Variants in IL1RAPL2 observed in about 807,000 individuals in gnomAD.
IL1RAPL2 encodes X-linked interleukin-1 receptor accessory protein-like 2.
IL1RAPL2 carries 3 observed loss-of-function variants against 44.1 expected under a neutral mutation model. That is an observed-to-expected ratio of 0.07 (90% confidence interval 0.03 to 0.18). The LOEUF (loss-of-function observed/expected upper bound fraction) is 0.18, where lower values mean the gene tolerates loss of function less well. IL1RAPL2 is among the 10% of genes least tolerant of loss of function. IL1RAPL2 has a pLI of 1.00. For synonymous variants in IL1RAPL2, 181 were observed against 178.8 expected, an observed-to-expected ratio of 1.01 and a Z score of -0.10; for missense variants, 391 against 496.4, an observed-to-expected ratio of 0.79 and a Z score of 2.02.
intron 5 of IL1RAPL2, among the ~76,000 whole-genome samples, chrX:105,327,591 A>T (rs746180763): frequency 9.0e-6 from 1 of 111,638 alleles, no homozygotes; most frequent in East Asian, 2.8e-4. Context: ...GGAACTATCC[A>T]TGTATATTTT....
At chrX:105,548,414 C>T (rs2036823849) in intron 6 of IL1RAPL2, among the ~76,000 whole-genome samples, 1 of 111,162 alleles carries the variant, frequency 9.0e-6, no homozygotes, top group Non-Finnish European at 1.9e-5. Flanking sequence ...AGGAAAAGAA[C>T]ATTTCAGGCA....
rs944035858 is a variant in IL1RAPL2, at chrX:105,364,493, A to C, written c.697+96952A>C. Among the ~76,000 whole-genome samples the C allele has an allele frequency of 2.4e-4, 27 of 110,860 alleles. 1 individual carries two copies. Among genetic ancestry groups the C allele is most frequent in the African/African-American group, 8.2e-4 (25 of 30,548 alleles). ...AGAAATTTGATAGGGATTACACTGA[A>C]TCTTTAGATCACTTTGGGTATTACA... On this transcript the variant is annotated intron_variant, in intron 5 of 10. Coordinates refer to ENST00000372582, the MANE Select transcript of IL1RAPL2 (RefSeq NM_017416.2).
At position 104,634,743 on chromosome X, in the gene IL1RAPL2, C is replaced by A. The variant is rs186210379; in HGVS notation, c.-19-24152C>A. Among the ~76,000 whole-genome samples, 57 of 111,759 alleles carry A rather than the reference C, an allele frequency of 5.1e-4. 1 individual carries two copies. Among genetic ancestry groups the A allele is most frequent in the South Asian group, 3.0e-3 (8 of 2,649 alleles). ...TATTTTGAGCCTATGTGTGTCTCTG[C>A]ACATGAGATGGATTTCCTAAATACA... On this transcript the variant is annotated intron_variant, in intron 1 of 10. Coordinates refer to ENST00000372582, the MANE Select transcript of IL1RAPL2 (RefSeq NM_017416.2).
At chrX:104,800,913 G>A (rs916930703) in intron 2 of IL1RAPL2, among the ~76,000 whole-genome samples, 10 of 112,497 alleles carry the variant, frequency 8.9e-5, no homozygotes, top group African/African-American at 3.2e-4. Context: ...AGGGCCAGTG[G>A]GAGGATATTA....
intron 2 of IL1RAPL2, among the ~76,000 whole-genome samples, chrX:104,989,719 T>C (rs976660053): frequency 9.0e-6 from 1 of 111,049 alleles, no homozygotes; most frequent in Admixed American, 9.6e-5. Context: ...GTTTTAACCA[T>C]GTCTGTAACT....
At chrX:105,192,682 C>A (rs1369795500) in intron 2 of IL1RAPL2, among the ~76,000 whole-genome samples, 1 of 111,253 alleles carries the variant, frequency 9.0e-6, no homozygotes, top group African/African-American at 3.3e-5. Flanking sequence ...ATTCATAGAT[C>A]CGTGTTATCA....
intron 3 of IL1RAPL2, chrX:105,218,993 T>C: frequency 8.3e-7 from 1 of 1,210,142 alleles, no homozygotes; most frequent in Non-Finnish European, 1.1e-6. Context: ...CAGATTCCCT[T>C]CCCACAGTCG....
At chrX:105,075,510 A>G (rs1483676476) in intron 2 of IL1RAPL2, among the ~76,000 whole-genome samples, 3 of 110,642 alleles carry the variant, frequency 2.7e-5, no homozygotes, top group East Asian at 2.9e-4. Context: ...TCTCTTTTTT[A>G]GTTGTGTCTC....
intron 2 of IL1RAPL2, among the ~76,000 whole-genome samples, chrX:104,903,784 G>A (rs935537253): frequency 1.8e-5 from 2 of 110,376 alleles, no homozygotes; most frequent in Non-Finnish European, 3.8e-5. Flanking sequence ...TTGCCGTGTT[G>A]CCCAGGCTGG....
chrX:105,299,653 T>C (rs772841555), intron 5 of IL1RAPL2, among the ~76,000 whole-genome samples: 1 of 111,601 alleles, frequency 9.0e-6, no homozygotes, highest in South Asian at 3.7e-4. Flanking sequence ...ACAATGGGGA[T>C]ACAAATCAAT....
rs61264130 is a variant in IL1RAPL2 at position 105,325,576 on chromosome X, T to TATATAC, written c.697+58036_697+58037insTATACA. ...ATATATATATATATATATATATATA[T>TATATAC]ACACATATGTATATATGTATGTGGA... On this transcript the variant is annotated intron_variant, in intron 5 of 10. Transcript: ENST00000372582. Among the ~76,000 whole-genome samples, 75 of 93,724 alleles carry TATATAC rather than the reference T, an allele frequency of 8.0e-4. 1 individual carries two copies. Among genetic ancestry groups the TATATAC allele is most frequent in the African/African-American group, 3.0e-3 (73 of 24,260 alleles). 81.4% of individuals were successfully genotyped at this position (93,724 alleles called of 115,157 possible). A position where few individuals can be genotyped will look rare whatever the true frequency, so the allele number is the denominator to read the frequency against.
chrX:105,600,889 G>A (rs2037247068), intron 6 of IL1RAPL2, among the ~76,000 whole-genome samples: 1 of 110,909 alleles, frequency 9.0e-6, no homozygotes, highest in Admixed American at 9.6e-5. Context: ...GACAGTACAT[G>A]TTTTACCACT....
intron 3 of IL1RAPL2, among the ~76,000 whole-genome samples, chrX:105,228,347 G>C (rs1347198994): frequency 8.9e-6 from 1 of 111,893 alleles, no homozygotes; most frequent in East Asian, 2.8e-4. Context: ...AATTTATTTA[G>C]ATTATTTTCA....
At chrX:104,963,167 G>A (rs1039182569) in intron 2 of IL1RAPL2, among the ~76,000 whole-genome samples, 3 of 111,651 alleles carry the variant, frequency 2.7e-5, no homozygotes, top group African/African-American at 9.8e-5. Context: ...GTGAGATCTG[G>A]ATTTAATTGA....
At chrX:105,345,023 A>G (rs1430516404) in intron 5 of IL1RAPL2, among the ~76,000 whole-genome samples, 1 of 111,664 alleles carries the variant, frequency 9.0e-6, no homozygotes, top group Non-Finnish European at 1.9e-5. Flanking sequence ...AACATTGCAA[A>G]ATTGGATATC....
At chrX:105,358,037 TA>T (rs774626399) in intron 5 of IL1RAPL2, among the ~76,000 whole-genome samples, 1,098 of 40,724 alleles carry the variant, frequency 0.027, 26 homozygotes, top group African/African-American at 0.071. Context: ...ATCCTATTTC[TA>T]AAAAAAAAAA....
intron 6 of IL1RAPL2, among the ~76,000 whole-genome samples, chrX:105,629,453 T>A (rs1443970994): frequency 8.9e-6 from 1 of 111,751 alleles, no homozygotes; most frequent in African/African-American, 3.3e-5. Flanking sequence ...AGTCCCTTCA[T>A]CTCATTCAGT....
At chrX:105,596,685 T>C (rs1334915564) in intron 6 of IL1RAPL2, among the ~76,000 whole-genome samples, 1 of 111,932 alleles carries the variant, frequency 8.9e-6, no homozygotes, top group African/African-American at 3.2e-5. Flanking sequence ...TTGGCATAAC[T>C]ACATAACTAA....
At chrX:105,522,396 A>C (rs1350616078) in intron 6 of IL1RAPL2, among the ~76,000 whole-genome samples, 1 of 112,538 alleles carries the variant, frequency 8.9e-6, no homozygotes, top group Non-Finnish European at 1.9e-5. Context: ...ATTTAGCCCC[A>C]TCTGGGATTT....
Sources: allele counts gnomAD v4.1 joint callset (sites outside exome capture counted in the v4.1 genomes callset), GRCh38; gene constraint gnomAD v4.1.1; transcripts MANE v1.5; gene names NCBI Gene and HGNC (gene_info 2026-07-23, HGNC 2026-07-21).